GFOD1: variants seen among roughly 807,000 people sequenced by gnomAD.
GFOD1 encodes Gfo/Idh/MocA-like oxidoreductase domain containing 1.
In GFOD1, 9 loss-of-function variants were observed where a neutral mutation model predicts 25.4. The observed-to-expected ratio is 0.35, with a 90% CI of 0.21 to 0.62. The LOEUF (loss-of-function observed/expected upper bound fraction) is 0.62. Ranked by LOEUF, GFOD1 falls within the 20% of genes least tolerant of loss-of-function variation. The pLI is 0.72. For missense variants in GFOD1, 403 were observed against 556.9 expected, an observed-to-expected ratio of 0.72 and a Z score of 2.78; for synonymous variants, 253 against 245.6, an observed-to-expected ratio of 1.03 and a Z score of -0.28.
chr6:13,392,447 G>C (rs910438956), intron 1 of GFOD1, among the ~76,000 whole-genome samples: 1 of 150,956 alleles, frequency 6.6e-6, no homozygotes, highest in African/African-American at 2.4e-5. Context: ...ATAAAAAGTT[G>C]TTCTTAATTA....
intron 1 of GFOD1, among the ~76,000 whole-genome samples, chr6:13,450,541 C>A (rs1758078869): frequency 6.6e-6 from 1 of 152,092 alleles, no homozygotes; most frequent in East Asian, 1.9e-4. Flanking sequence ...CACACCAGGC[C>A]CAAGCTCCCA....
At chr6:13,475,700 A>G (rs1758606873) in intron 1 of GFOD1, among the ~76,000 whole-genome samples, 1 of 149,370 alleles carries the variant, frequency 6.7e-6, no homozygotes, top group South Asian at 2.1e-4. Flanking sequence ...CCTGGGTGAC[A>G]GTGCAAGACT....
chr6:13,367,761 G>GA lies in GFOD1; in HGVS notation c.254-2100dup, dbSNP rs57171484. Among the ~76,000 whole-genome samples the GA allele has an allele frequency of 2.1e-3, 278 of 130,548 alleles. 3 individuals carry two copies. Among genetic ancestry groups the GA allele is most frequent in the Middle Eastern group, 4.1e-3 (1 of 246 alleles). The allele number at this position is 130,548 out of a possible 152,430, so 85.6% of individuals were successfully genotyped here. ...GGAGAAACAGCCAACTGGAGGGCAAGAAAAAAAAAAAAAAGAATGACACAG... is the reference window on the plus strand; with the variant it reads ...GGAGAAACAGCCAACTGGAGGGCAAGAAAAAAAAAAAAAAAGAATGACACAG... On this transcript the variant is annotated intron_variant, in intron 1 of 1. Coordinates refer to ENST00000379287, the MANE Select transcript of GFOD1 (RefSeq NM_018988.4).
At chr6:13,454,750 C>G (rs115734031) in intron 1 of GFOD1, among the ~76,000 whole-genome samples, 93 of 152,308 alleles carry the variant, frequency 6.1e-4, no homozygotes, top group African/African-American at 2.1e-3. Context: ...CTCCCACAGA[C>G]AGTGCATGAG....
intron 1 of GFOD1, among the ~76,000 whole-genome samples, chr6:13,401,224 G>A (rs953946256): frequency 7.9e-5 from 12 of 152,172 alleles, no homozygotes; most frequent in African/African-American, 2.4e-4. Context: ...CTTAGAAAAC[G>A]GAGGAGACTT....
intron 1 of GFOD1, among the ~76,000 whole-genome samples, chr6:13,440,488 G>A (rs1757897870): frequency 6.6e-6 from 1 of 152,190 alleles, no homozygotes; most frequent in African/African-American, 2.4e-5. Flanking sequence ...ACCGTGTGTG[G>A]CCAACATGAA....
At chr6:13,429,239 G>A (rs1757703952) in intron 1 of GFOD1, among the ~76,000 whole-genome samples, 1 of 152,242 alleles carries the variant, frequency 6.6e-6, no homozygotes, top group Admixed American at 6.5e-5. Flanking sequence ...AAGGGAAACA[G>A]CGCCACAGGC....
intron 1 of GFOD1, among the ~76,000 whole-genome samples, chr6:13,450,784 C>T (rs1455679171): frequency 3.3e-5 from 5 of 152,184 alleles, no homozygotes; most frequent in Admixed American, 1.3e-4. Flanking sequence ...CAAGCAGCTT[C>T]GGCACAGCAA....
In GFOD1 at chr6:13,365,479, C is replaced by A. The variant is rs2127554477; in HGVS notation, c.437G>T (p.Cys146Phe). 6.2e-7 allele frequency: 1 copy of A among 1,613,720 alleles called. No individual in the cohort carries two copies. Among genetic ancestry groups the A allele is most frequent in the East Asian group, 2.2e-5 (1 of 44,868 alleles). The change falls in exon 2 of 2, where the codon TGT becomes TTT. Residue 146 changes from cysteine to phenylalanine, a missense_variant. Physicochemically the swap from Cys to Phe is radical, Grantham distance 205. Transcript: ENST00000379287. This position sits in a 1 kb window ranked among gnomAD's most constrained non-coding sequence, Gnocchi z 9.2. ...EEGYVGEPLV[C>F]EVQVHGGSLL... ...GCTGCCGCCGTGCACCTGCACCTCA[C>A]ACACCAGCGGCTCGCCCACGTAGCC...
At chr6:13,443,320 G>A (rs573895749) in intron 1 of GFOD1, among the ~76,000 whole-genome samples, 1 of 152,362 alleles carries the variant, frequency 6.6e-6, no homozygotes, top group East Asian at 1.9e-4. Flanking sequence ...TCTGAACACT[G>A]TTGTAATGAT....
intron 1 of GFOD1, among the ~76,000 whole-genome samples, chr6:13,396,101 C>A (rs1477966515): frequency 6.6e-6 from 1 of 152,186 alleles, no homozygotes; most frequent in Non-Finnish European, 1.5e-5. Flanking sequence ...CATGTAATCA[C>A]CCATGTGAAC....
chr6:13,425,849 A>G (rs1026989891), intron 1 of GFOD1, among the ~76,000 whole-genome samples: 1 of 151,598 alleles, frequency 6.6e-6, no homozygotes, highest in African/African-American at 2.4e-5. Context: ...CATAAAATAT[A>G]CTAATGATAG....
chr6:13,445,423 G>A (rs1219439946), intron 1 of GFOD1, among the ~76,000 whole-genome samples: 1 of 152,172 alleles, frequency 6.6e-6, no homozygotes, highest in African/African-American at 2.4e-5. Flanking sequence ...AAGAGACCAA[G>A]ATCCAATCCC....
chr6:13,476,080 T>A (rs1254293624), intron 1 of GFOD1, among the ~76,000 whole-genome samples: 1 of 152,158 alleles, frequency 6.6e-6, no homozygotes, highest in Admixed American at 6.5e-5. Context: ...ACTGAGCAAT[T>A]TCAGTCCTAG....
intron 1 of GFOD1, among the ~76,000 whole-genome samples, chr6:13,423,489 C>T (rs532684541): frequency 4.6e-5 from 7 of 152,280 alleles, no homozygotes; most frequent in East Asian, 3.9e-4. Flanking sequence ...CACACAGACA[C>T]GCCTGAAATA....
At chr6:13,425,516 A>G (rs537603938) in intron 1 of GFOD1, among the ~76,000 whole-genome samples, 7 of 152,294 alleles carry the variant, frequency 4.6e-5, no homozygotes, top group Non-Finnish European at 8.8e-5. Context: ...CAGCTCAAAA[A>G]TCTATTTGAA....
At chr6:13,380,862 A>C (rs751339364) in intron 1 of GFOD1, among the ~76,000 whole-genome samples, 3 of 152,236 alleles carry the variant, frequency 2.0e-5, no homozygotes, top group Admixed American at 1.3e-4. Flanking sequence ...GAAATGGGCA[A>C]GGTGAGACAC....
At chr6:13,410,577 GGAGAGAGAGAGAGAGAGA>G (rs10530261) in intron 1 of GFOD1, among the ~76,000 whole-genome samples, 27 of 128,076 alleles carry the variant, frequency 2.1e-4, no homozygotes, top group East Asian at 6.8e-4. Context: ...AAGAAAGAAA[GGAGAGAGAGAGAGAGAGA>G]GAGAGAGAGA....
chr6:13,419,483 TGCTTCTATCCCTGCCGATG>T (rs1456647434), intron 1 of GFOD1, among the ~76,000 whole-genome samples: 2 of 152,116 alleles, frequency 1.3e-5, no homozygotes, highest in Non-Finnish European at 2.9e-5. Flanking sequence ...CTGGTCTCCT[TGCTTCTATCCCTGCCGATG>T]GCTAAACCAG....
Sources: gnomAD v4.1 joint callset for allele counts (sites outside exome capture counted in the v4.1 genomes callset) on GRCh38, gnomAD v4.1.1 for gene constraint, Gnocchi (gnomAD v3.1) non-coding constraint, MANE v1.5 for transcripts, NCBI Gene and HGNC (gene_info 2026-07-23, HGNC 2026-07-21) for gene names.